SSBP3: variants seen among roughly 807,000 people sequenced by gnomAD.
SSBP3 encodes single-stranded DNA-binding protein 3.
Under a neutral mutation model 69.6 loss-of-function variants are expected in SSBP3, and 5 were observed. That is an observed-to-expected ratio of 0.07 (90% CI 0.04 to 0.15). The LOEUF (loss-of-function observed/expected upper bound fraction) is 0.15. Among genes scored for constraint, SSBP3 ranks in the 10% least tolerant of loss-of-function variants. The pLI is 1.00. For missense variants in SSBP3, 312 were observed against 534.0 expected, an observed-to-expected ratio of 0.58 and a Z score of 4.10; for synonymous variants, 196 against 193.4, an observed-to-expected ratio of 1.01 and a Z score of -0.11.
At chr1:54,240,175 A>G (rs1046979504) in intron 13 of SSBP3, among the ~76,000 whole-genome samples, 2 of 150,548 alleles carry the variant, frequency 1.3e-5, no homozygotes, top group South Asian at 2.1e-4. Flanking sequence ...AGAAACAGGG[A>G]GGGCTGGGTG....
intron 4 of SSBP3, among the ~76,000 whole-genome samples, chr1:54,344,940 T>C (rs1646664620): frequency 6.6e-6 from 1 of 152,254 alleles, no homozygotes; most frequent in Non-Finnish European, 1.5e-5. Flanking sequence ...CGTACAGCTG[T>C]AAATTGCATT....
intron 4 of SSBP3, among the ~76,000 whole-genome samples, chr1:54,286,137 G>C (rs553944375): frequency 5.0e-4 from 76 of 152,068 alleles, no homozygotes; most frequent in Non-Finnish European, 9.3e-4. Context: ...ACACTACCGA[G>C]AGACCTGTTA....
At chr1:54,384,105 C>CAA (rs34137070) in intron 4 of SSBP3, among the ~76,000 whole-genome samples, 14 of 94,120 alleles carry the variant, frequency 1.5e-4, no homozygotes, top group African/African-American at 2.8e-4. Flanking sequence ...GACTCCATCT[C>CAA]AAAAAAAAAA....
chr1:54,342,035 G>A (rs1041705707), intron 4 of SSBP3, among the ~76,000 whole-genome samples: 3 of 152,208 alleles, frequency 2.0e-5, no homozygotes, highest in Non-Finnish European at 4.4e-5. Context: ...AATGCGGACT[G>A]ACACCACACT....
rs187100071 is a variant in SSBP3, at chr1:54,366,184, T to C, written c.276+35677A>G. Among the ~76,000 whole-genome samples the C allele has an allele frequency of 5.3e-5, 8 of 152,296 alleles. No individual in the cohort carries two copies. The East Asian group carries it at 1.2e-3, about 22-fold the overall frequency. On this transcript the variant is annotated intron_variant, in intron 4 of 17. Transcript: ENST00000610401. ...CCAGCTGCTGCTAACACCCCTCTGATGGCATTTATAGCTTATCTTTACTCA... is the reference window on the plus strand; with the variant it reads ...CCAGCTGCTGCTAACACCCCTCTGACGGCATTTATAGCTTATCTTTACTCA...
At chr1:54,397,931 G>A (rs574313286) in intron 4 of SSBP3, among the ~76,000 whole-genome samples, 50 of 152,302 alleles carry the variant, frequency 3.3e-4, no homozygotes, top group Non-Finnish European at 5.4e-4. Context: ...CACCTTGCGG[G>A]GGCTTCCGTT....
intron 4 of SSBP3, among the ~76,000 whole-genome samples, chr1:54,321,242 G>C (rs1460159054): frequency 6.6e-6 from 1 of 152,248 alleles, no homozygotes; most frequent in Admixed American, 6.5e-5. Flanking sequence ...TGAAGAACAG[G>C]AGAATGCCCT....
intron 4 of SSBP3, among the ~76,000 whole-genome samples, chr1:54,368,779 T>C (rs949333934): frequency 1.3e-5 from 2 of 152,178 alleles, no homozygotes; most frequent in Non-Finnish European, 2.9e-5. Context: ...GGAAAGCTGA[T>C]AGACTAAAAA....
intron 1 of SSBP3, 118 bp from the exon 2 acceptor site, chr1:54,405,048 AC>A: frequency 1.1e-6 from 1 of 894,016 alleles, no homozygotes; most frequent in Non-Finnish European, 1.8e-6. Flanking sequence ...TGTGGCCCCG[AC>A]CAGAGGTAAG....
chr1:54,310,637 G>A lies in SSBP3; in HGVS notation c.277-29110C>T, dbSNP rs1329191405. Among the ~76,000 whole-genome samples the A allele has an allele frequency of 2.1e-5, 3 of 142,874 alleles. No homozygotes were observed. In the East Asian group the frequency reaches 7.1e-4, roughly 34 times the overall value. 93.7% of individuals were successfully genotyped at this position (142,874 alleles called of 152,430 possible). A position where few individuals can be genotyped will look rare whatever the true frequency, so the allele number is the denominator to read the frequency against. ...TTTTAATTGGGGTAAGTGGCTCCCTGATGCAATCTGCAAAGCACCAGCCCA... is the reference window on the plus strand; with the variant it reads ...TTTTAATTGGGGTAAGTGGCTCCCTAATGCAATCTGCAAAGCACCAGCCCA... On this transcript the variant is annotated intron_variant, in intron 4 of 17. Coordinates refer to ENST00000610401, the Ensembl canonical transcript of SSBP3.
chr1:54,401,809 T>C, intron 4 of SSBP3, 52 bp downstream of exon 4: 1 of 1,502,482 alleles, frequency 6.7e-7, no homozygotes, highest in Non-Finnish European at 9.2e-7. Context: ...CTAGAGAAGT[T>C]AGAGCTATCC....
chr1:54,277,296 C>T (rs1453252676), intron 5 of SSBP3, among the ~76,000 whole-genome samples: 2 of 152,062 alleles, frequency 1.3e-5, no homozygotes, highest in Non-Finnish European at 2.9e-5. Flanking sequence ...AGCCACCACA[C>T]ATCAAGCAGA....
At chr1:54,407,083 C>A (rs896853234), upstream of SSBP3, among the ~76,000 whole-genome samples, 1 of 151,970 alleles carries the variant, frequency 6.6e-6, no homozygotes, top group African/African-American at 2.4e-5. Context: ...TTTACTAGAT[C>A]ATTAAAATAC....
At chr1:54,317,506 CAGCCTGGGTGATAG>C (rs1305862355) in intron 4 of SSBP3, among the ~76,000 whole-genome samples, 1 of 151,230 alleles carries the variant, frequency 6.6e-6, no homozygotes, top group African/African-American at 2.4e-5. Context: ...CACTGCACTC[CAGCCTGGGTGATAG>C]AGCGAGACTC....
chr1:54,247,602 C>A (rs1459165157), intron 9 of SSBP3, among the ~76,000 whole-genome samples: 1 of 152,170 alleles, frequency 6.6e-6, no homozygotes, highest in Non-Finnish European at 1.5e-5. Flanking sequence ...GCTGTGGATT[C>A]TCCTTCATCT....
At chr1:54,288,575 A>G (rs1369070376) in intron 4 of SSBP3, among the ~76,000 whole-genome samples, 2 of 74,426 alleles carry the variant, frequency 2.7e-5, no homozygotes, top group Non-Finnish European at 5.0e-5. Flanking sequence ...GATCCCATAC[A>G]TCAGCAGGGG....
intron 4 of SSBP3, among the ~76,000 whole-genome samples, chr1:54,356,987 G>A (rs1455616333): frequency 6.6e-6 from 1 of 152,162 alleles, no homozygotes; most frequent in East Asian, 1.9e-4. Context: ...TGGGGGTAGA[G>A]CCCCTCACCT....
At chr1:54,269,702 C>T (rs533281073) in intron 5 of SSBP3, among the ~76,000 whole-genome samples, 2 of 152,340 alleles carry the variant, frequency 1.3e-5, no homozygotes, top group Admixed American at 1.3e-4. Context: ...GCCTATAGAA[C>T]AATCCCCAGC....
At chr1:54,268,590 CA>C (rs1243561361) in intron 5 of SSBP3, among the ~76,000 whole-genome samples, 3 of 152,258 alleles carry the variant, frequency 2.0e-5, no homozygotes, top group Non-Finnish European at 4.4e-5. Context: ...GCCCACTGAG[CA>C]GAAGAGGGCT....
Sources: gnomAD v4.1 joint callset for allele counts (sites outside exome capture counted in the v4.1 genomes callset) on GRCh38, gnomAD v4.1.1 for gene constraint, MANE v1.5 for transcripts, NCBI Gene and HGNC (gene_info 2026-07-23, HGNC 2026-07-21) for gene names.